The following ABCB5 variants were observed in gnomAD, a reference collection of about 807,000 sequenced individuals.
ABCB5 encodes the protein ATP binding cassette subfamily B member 5.
In ABCB5, 155 loss-of-function variants were observed where a neutral mutation model predicts 144.2. The observed-to-expected ratio is 1.08, with a 90% CI of 0.94 to 1.23. The LOEUF (loss-of-function observed/expected upper bound fraction) is 1.23. ABCB5 is among the 50% of genes most tolerant of loss of function. ABCB5 has a pLI of 0.00. For synonymous variants in ABCB5, 610 were observed against 528.6 expected (o/e 1.15, Z -2.11); for missense variants, 1,830 against 1,520.8 (o/e 1.20, Z -3.38).
At chr7:20,725,693 T>A (rs1782014629) in intron 21 of ABCB5, among the ~76,000 whole-genome samples, 1 of 152,238 alleles carries the variant, frequency 6.6e-6, no homozygotes, top group Non-Finnish European at 1.5e-5. Context: ...GAGATTTTTT[T>A]AATGTTCATT....
chr7:20,713,783 C>A (rs1781576669), intron 20 of ABCB5, among the ~76,000 whole-genome samples: 1 of 149,616 alleles, frequency 6.7e-6, no homozygotes, highest in Admixed American at 6.7e-5. Context: ...AGTCTGGCTG[C>A]TGTTACCAGG....
chr7:20,678,858 T>C (rs1031710560), intron 14 of ABCB5, among the ~76,000 whole-genome samples: 1 of 152,136 alleles, frequency 6.6e-6, no homozygotes, highest in Non-Finnish European at 1.5e-5. Context: ...GTAAAGGCAG[T>C]TCTGCAGTAT....
intron 5 of ABCB5, among the ~76,000 whole-genome samples, chr7:20,639,629 C>G (rs1784248074): frequency 6.6e-6 from 1 of 152,176 alleles, no homozygotes; most frequent in African/African-American, 2.4e-5. Flanking sequence ...ATTGCCTTGG[C>G]ACCTTTGCTA....
chr7:20,637,578 G>T (rs1205507733), intron 5 of ABCB5, among the ~76,000 whole-genome samples: 1 of 151,988 alleles, frequency 6.6e-6, no homozygotes, highest in East Asian at 1.9e-4. Flanking sequence ...GAGCCTCCAT[G>T]CCTGGCTAAT....
At chr7:20,654,459 T>C (rs913390754) in intron 13 of ABCB5, among the ~76,000 whole-genome samples, 3 of 151,862 alleles carry the variant, frequency 2.0e-5, no homozygotes, top group Non-Finnish European at 4.4e-5. Flanking sequence ...AGGTGGAATA[T>C]CAGTAAGAAT....
intron 20 of ABCB5, among the ~76,000 whole-genome samples, chr7:20,718,817 C>T (rs1033383406): frequency 6.6e-6 from 1 of 152,086 alleles, no homozygotes; most frequent in East Asian, 1.9e-4. Context: ...ATCCCAGATT[C>T]AGCCAGTGGA....
At chr7:20,749,366 C>T (rs1017138802) in intron 26 of ABCB5, among the ~76,000 whole-genome samples, 1 of 149,138 alleles carries the variant, frequency 6.7e-6, no homozygotes, top group Non-Finnish European at 1.5e-5. Flanking sequence ...GAGCTGCGAC[C>T]ATAGGTGCCT....
intron 5 of ABCB5, among the ~76,000 whole-genome samples, chr7:20,638,981 T>C (rs541467647): frequency 2.0e-5 from 3 of 152,220 alleles, no homozygotes; most frequent in Non-Finnish European, 4.4e-5. Context: ...CCACCAGCAG[T>C]GTCTGAGGGT....
chr7:20,660,774 G>A (rs1040455211), intron 14 of ABCB5, among the ~76,000 whole-genome samples: 3 of 152,090 alleles, frequency 2.0e-5, no homozygotes, highest in East Asian at 1.9e-4. Flanking sequence ...ACTAACCAAC[G>A]AAAGAAGACA....
chr7:20,741,089 C>T (rs1239845630), intron 24 of ABCB5, among the ~76,000 whole-genome samples: 14 of 140,958 alleles, frequency 9.9e-5, no homozygotes, highest in South Asian at 2.2e-4. Flanking sequence ...GGTGACAGAG[C>T]GAGACTCCTT....
chr7:20,692,476 A>C (rs1330334725), intron 16 of ABCB5, among the ~76,000 whole-genome samples: 2 of 151,524 alleles, frequency 1.3e-5, no homozygotes, highest in Non-Finnish European at 2.9e-5. Context: ...CCTACACTAC[A>C]AGAAATATTA....
At chr7:20,663,284 T>C (rs1191099047) in intron 14 of ABCB5, among the ~76,000 whole-genome samples, 1 of 152,216 alleles carries the variant, frequency 6.6e-6, no homozygotes, top group Non-Finnish European at 1.5e-5. Flanking sequence ...CAAAGAGATA[T>C]TGGTATACTA....
intron 21 of ABCB5, among the ~76,000 whole-genome samples, chr7:20,724,898 C>CT (rs1165825935): frequency 6.6e-6 from 1 of 152,104 alleles, no homozygotes; most frequent in Non-Finnish European, 1.5e-5. Flanking sequence ...GGATTGTTTG[C>CT]TTGTGCTGTA....
intron 5 of ABCB5, chr7:20,642,028 T>G (rs1784306349): frequency 6.6e-6 from 1 of 152,296 alleles, no homozygotes; most frequent in Non-Finnish European, 1.5e-5. Context: ...TCTTCTCACC[T>G]TGGCCAGGGC....
intron 16 of ABCB5, among the ~76,000 whole-genome samples, chr7:20,690,039 A>G (rs1426319590): frequency 6.6e-6 from 1 of 152,212 alleles, no homozygotes; most frequent in Non-Finnish European, 1.5e-5. Context: ...TCCTCTAACA[A>G]AAAACCTTCA....
chr7:20,681,489 G>A lies in ABCB5; in HGVS notation c.1708-16G>A. Reference sequence around the variant, plus strand: ...CTACTAATGTCTATTTATTTTCTATGCATTTTATTCTGTAGGCGAGCAAAG... The same window carrying A: ...CTACTAATGTCTATTTATTTTCTATACATTTTATTCTGTAGGCGAGCAAAG... On this transcript the variant is annotated splice_polypyrimidine_tract_variant and intron_variant, in intron 14 of 27. Transcript: ENST00000404938. 1 of 1,612,838 alleles carries A rather than the reference G, an allele frequency of 6.2e-7. No homozygotes were observed. Among genetic ancestry groups the A allele is most frequent in the Non-Finnish European group, 8.5e-7 (1 of 1,179,308 alleles).
rs1215225850 is a variant in ABCB5, at chr7:20,629,188, A to C, written c.259+350A>C. 5.7e-5 allele frequency among the ~76,000 whole-genome samples: 3 copies of C among 52,960 alleles called. No individual in the cohort carries two copies. In the East Asian group the frequency reaches 2.2e-3, roughly 38 times the overall value. 34.7% of individuals were successfully genotyped at this position (52,960 alleles called of 152,430 possible). A position where few individuals can be genotyped will look rare whatever the true frequency, so the allele number is the denominator to read the frequency against. On this transcript the variant is annotated intron_variant, in intron 4 of 27. Coordinates refer to ENST00000404938, the MANE Select transcript of ABCB5 (RefSeq NM_001163941.2). ...TGTGTGTGTGTGTGTGTGTGTGTAA[A>C]GAGTGAGATTTTAAAGAATTGGCTG... is the stretch of plus-strand genomic sequence containing the variant.
intron 14 of ABCB5, among the ~76,000 whole-genome samples, chr7:20,667,800 T>C (rs1417210623): frequency 6.7e-6 from 1 of 149,846 alleles, no homozygotes; most frequent in Non-Finnish European, 1.5e-5. Context: ...TGCTGCCATC[T>C]CGGCTCACTG....
intron 14 of ABCB5, among the ~76,000 whole-genome samples, chr7:20,675,764 AAG>A (rs1225934333): frequency 6.6e-6 from 1 of 151,988 alleles, no homozygotes; most frequent in Non-Finnish European, 1.5e-5. Flanking sequence ...TATATCTGGT[AAG>A]AGATTAATAT....
Sources: gnomAD v4.1 joint callset for allele counts (sites outside exome capture counted in the v4.1 genomes callset) on GRCh38, gnomAD v4.1.1 for gene constraint, MANE v1.5 for transcripts, NCBI Gene and HGNC (gene_info 2026-07-23, HGNC 2026-07-21) for gene names.